The following EPB41L4B variants were observed in gnomAD, a reference collection of about 807,000 sequenced individuals.
EPB41L4B encodes the protein erythrocyte membrane protein band 4.1 like 4B, also known as band 4.1-like protein 4B.
A neutral mutation model predicts 112.5 loss-of-function variants in EPB41L4B; 30 were observed. The ratio of observed to expected loss-of-function variants is 0.27; its 90% CI spans 0.20 to 0.36. The LOEUF is 0.36. EPB41L4B is among the 10% of genes least tolerant of loss of function. EPB41L4B has a pLI of 1.00. For synonymous variants in EPB41L4B, 408 were observed against 439.7 expected, an observed-to-expected ratio of 0.93 and a Z score of 0.90; for missense variants, 1,024 against 1,133.3, an observed-to-expected ratio of 0.90 and a Z score of 1.38.
chr9:109,192,384 A>G, intron 21 of EPB41L4B, 29 bp from the exon 22 acceptor site: 2 of 1,558,244 alleles, frequency 1.3e-6, no homozygotes. Context: ...ACCCCTGGTT[A>G]GAGACGGCAC....
intron 1 of EPB41L4B, among the ~76,000 whole-genome samples, chr9:109,307,656 G>C (rs984939965): frequency 1.3e-5 from 2 of 152,242 alleles, no homozygotes; most frequent in African/African-American, 4.8e-5. Context: ...TCGGTGAAAT[G>C]CCATGGAATG....
intron 1 of EPB41L4B, among the ~76,000 whole-genome samples, chr9:109,310,671 G>A (rs993217193): frequency 5.3e-5 from 8 of 152,184 alleles, no homozygotes; most frequent in African/African-American, 1.9e-4. Flanking sequence ...CCAGGGAAGA[G>A]GTGTCAGAAT....
chr9:109,243,488 C>T (rs76350935), intron 15 of EPB41L4B, 130 bp downstream of exon 15: 36 of 748,936 alleles, frequency 4.8e-5, no homozygotes, highest in East Asian at 1.9e-4. Context: ...TTATTCATCT[C>T]GGCCATGACA....
intron 23 of EPB41L4B, among the ~76,000 whole-genome samples, chr9:109,183,034 C>T (rs1401761856): frequency 1.3e-5 from 2 of 152,162 alleles, no homozygotes; most frequent in Admixed American, 6.5e-5. Context: ...CCTGGAGTCT[C>T]GTGTTCCTAG....
intron 22 of EPB41L4B, among the ~76,000 whole-genome samples, chr9:109,186,500 G>T (rs1230451965): frequency 6.9e-6 from 1 of 145,430 alleles, no homozygotes; most frequent in Non-Finnish European, 1.5e-5. Context: ...TAAGAGACAG[G>T]GTCTTGCTCT....
chr9:109,284,143 A>C (rs1836180221), intron 1 of EPB41L4B, among the ~76,000 whole-genome samples: 1 of 152,160 alleles, frequency 6.6e-6, no homozygotes, highest in Admixed American at 6.5e-5. Context: ...TCACAGCTTA[A>C]CCTAGCCTAC....
At chr9:109,181,884 A>G (rs1259350925) in intron 24 of EPB41L4B, among the ~76,000 whole-genome samples, 1 of 152,096 alleles carries the variant, frequency 6.6e-6, no homozygotes, top group Non-Finnish European at 1.5e-5. Context: ...AAATTGCAGT[A>G]TATAGATACA....
chr9:109,226,614 A>ATC, intron 15 of EPB41L4B, among the ~76,000 whole-genome samples: 1 of 102,250 alleles, frequency 9.8e-6, no homozygotes, highest in African/African-American at 3.8e-5. Flanking sequence ...TTTCATATAT[A>ATC]TATATATATA....
intron 2 of EPB41L4B, among the ~76,000 whole-genome samples, chr9:109,271,964 A>G (rs917451479): frequency 1.3e-5 from 2 of 152,214 alleles, no homozygotes; most frequent in Non-Finnish European, 2.9e-5. Flanking sequence ...TGGAAATATG[A>G]CACCCATAAG....
At chr9:109,293,061 T>G (rs768918953) in intron 1 of EPB41L4B, among the ~76,000 whole-genome samples, 8 of 152,182 alleles carry the variant, frequency 5.3e-5, no homozygotes, top group Non-Finnish European at 1.2e-4. Context: ...GTCAATGCCA[T>G]GAGGAGCAGA....
chr9:109,241,921 T>A, intron 15 of EPB41L4B: 3 of 998,192 alleles, frequency 3.0e-6, no homozygotes, highest in Non-Finnish European at 4.6e-6. Context: ...ATGAGCCATG[T>A]GAATGGGGAT....
chr9:109,270,902 C>T (rs1835585383), intron 2 of EPB41L4B, among the ~76,000 whole-genome samples: 1 of 152,212 alleles, frequency 6.6e-6, no homozygotes, highest in Admixed American at 6.5e-5. Flanking sequence ...ACCCAAGACT[C>T]ATTAAACAGA....
At chr9:109,223,247 C>A (rs1040767600) in intron 15 of EPB41L4B, among the ~76,000 whole-genome samples, 29 of 152,026 alleles carry the variant, frequency 1.9e-4, no homozygotes, top group Admixed American at 1.8e-3. Flanking sequence ...CGAGACCGGG[C>A]AACATGGGGT....
At chr9:109,252,830 C>T (rs1488794721) in intron 12 of EPB41L4B, among the ~76,000 whole-genome samples, 1 of 152,070 alleles carries the variant, frequency 6.6e-6, no homozygotes, top group Non-Finnish European at 1.5e-5. Flanking sequence ...CAGAAATGAG[C>T]CTGGCTTGCT....
intron 22 of EPB41L4B, among the ~76,000 whole-genome samples, chr9:109,191,549 G>A (rs1310592171): frequency 2.0e-5 from 3 of 152,126 alleles, no homozygotes; most frequent in Admixed American, 6.6e-5. Context: ...CTCAGATCAC[G>A]GCATCTCCAA....
At position 109,194,396 on chromosome 9, in the gene EPB41L4B, C is replaced by T. The variant is rs1444283495; in HGVS notation, c.2047G>A (p.Asp683Asn). ...AGGTCTGGAGGGAGGTCGTCTTCAT[C>T]ACTGCGGTTACTAAAAGCACATGAA... The part of the protein sequence containing the change: ...VRKLTRQYSF[D>N]EDDLPPDLAE... Residue 683 changes from aspartate to asparagine, a missense_variant and splice_region_variant, in exon 21 of 26, where the codon GAT (aspartate) becomes AAT (asparagine). By Grantham distance (23) the Asp-to-Asn change is conservative (BLOSUM62 1). Coordinates refer to ENST00000374566, the MANE Select transcript of EPB41L4B (RefSeq NM_019114.5). 2 of 1,613,666 alleles carry T rather than the reference C, an allele frequency of 1.2e-6. No individual in the cohort carries two copies. The highest frequency in any genetic ancestry group is 2.7e-5 in the African/African-American group (2 of 74,928).
intron 1 of EPB41L4B, among the ~76,000 whole-genome samples, chr9:109,302,988 G>A (rs2119227266): frequency 6.6e-6 from 1 of 151,892 alleles, no homozygotes; most frequent in East Asian, 1.9e-4. Context: ...GGCTGAGGTG[G>A]GAGGATCACT....
chr9:109,240,741 A>G (rs1834325833), intron 15 of EPB41L4B: 1 of 985,330 alleles, frequency 1.0e-6, no homozygotes, highest in South Asian at 4.7e-5. Flanking sequence ...TGAGCCATAA[A>G]TGATCTTGAT....
chr9:109,203,556 A>G, intron 19 of EPB41L4B, 107 bp downstream of exon 19: 1 of 929,616 alleles, frequency 1.1e-6, no homozygotes, highest in African/African-American at 1.6e-5. Context: ...TCTCTGTTTT[A>G]TTTGTCCTCT....
Sources: gnomAD v4.1 joint callset for allele counts (sites outside exome capture counted in the v4.1 genomes callset) on GRCh38, gnomAD v4.1.1 for gene constraint, MANE v1.5 for transcripts, NCBI Gene and HGNC (gene_info 2026-07-23, HGNC 2026-07-21) for gene names.